Variants in UQCRC1 observed in about 807,000 individuals in gnomAD.
UQCRC1 encodes the protein cytochrome b-c1 complex subunit 1, mitochondrial.
Under a neutral mutation model 58.0 loss-of-function variants are expected in UQCRC1, and 34 were observed. The observed-to-expected ratio is 0.59, with a 90% CI of 0.45 to 0.78. The LOEUF is 0.78. UQCRC1 is among the 30% of genes least tolerant of loss of function. The probability of loss-of-function intolerance (pLI) is 0.00; values close to 1 mark genes in which losing one functional copy is unlikely to be tolerated. For synonymous variants in UQCRC1, 276 were observed against 248.8 expected, an observed-to-expected ratio of 1.11 and a Z score of -1.03; for missense variants, 610 against 646.0, an observed-to-expected ratio of 0.94 and a Z score of 0.60.
Position 48,600,747 on chromosome 3 carries a change from G to A in UQCRC1, c.1060C>T (p.Leu354=), listed in dbSNP as rs1300142566. The A allele has an allele frequency of 2.5e-6, 4 of 1,614,164 alleles. No individual in the cohort carries two copies. In the East Asian group the frequency reaches 6.7e-5, roughly 27 times the overall value. The part of the protein sequence containing the change: ...FSICYAETGL[L]GAHFVCDRMK... ...CGGTCACAGACAAAGTGTGCACCCA[G>A]CAAGCCCGTCTCTGCATAGCAGATG... Residue 354 remains leucine (L), a synonymous_variant, in exon 9 of 13, where the codon CTG becomes TTG. Transcript: ENST00000203407.
rs1483316213 is a variant in UQCRC1, at chr3:48,603,930, A to G, written c.627-287T>C. 1.0e-5 allele frequency: 6 copies of G among 582,638 alleles called. No individual in the cohort carries two copies. In the African/African-American group the frequency reaches 1.1e-4, roughly 11 times the overall value. The allele number at this position is 582,638 out of a possible 1,614,324, so 36.1% of individuals were successfully genotyped here. On this transcript the variant is annotated intron_variant, in intron 5 of 12. Transcript: ENST00000203407. ...GTGGGACTCTCAAAAGGGCAGCATC[A>G]AAGCTCCCGGAGCCATCCACAAAGG...
Position 48,604,440 on chromosome 3 carries a change from A to G in UQCRC1, c.428-9T>C, listed in dbSNP as rs2046393453. 6.2e-7 allele frequency: 1 copy of G among 1,613,356 alleles called. No homozygotes were observed. The highest frequency in any genetic ancestry group is 8.5e-7 in the Non-Finnish European group (1 of 1,179,604). ...ACCCAGGAGCTCCACAGCTAGATGCAAGGAGGACATGTTTAGGTGCCAGGT... is the reference window on the plus strand; with the variant it reads ...ACCCAGGAGCTCCACAGCTAGATGCGAGGAGGACATGTTTAGGTGCCAGGT... On this transcript the variant is annotated splice_polypyrimidine_tract_variant and intron_variant, in intron 4 of 12. Transcript: ENST00000203407.
rs527267111 is a variant in UQCRC1 at position 48,609,053 on chromosome 3, G to C, written c.210+109C>G. 2.0e-6 allele frequency: 3 copies of C among 1,479,184 alleles called. No individual in the cohort carries two copies. In the Admixed American group the frequency reaches 6.7e-5, roughly 33 times the overall value. 91.6% of individuals were successfully genotyped at this position (1,479,184 alleles called of 1,614,324 possible). On this transcript the variant is annotated intron_variant, in intron 2 of 12. Coordinates refer to ENST00000203407, the MANE Select transcript of UQCRC1 (RefSeq NM_003365.3). ...TCTCGGGGTGAGTGGTCCTGGGTCC[G>C]AACCCAAACCACAAACGGGAAGACT...
chr3:48,599,911 C>T (rs2046347220), intron 11 of UQCRC1, 152 bp downstream of exon 11: 1 of 1,055,726 alleles, frequency 9.5e-7, no homozygotes, highest in African/African-American at 1.6e-5. Context: ...CTATGCCCTG[C>T]CCTCCCACTA....
chr3:48,609,404 C>T, intron 1 of UQCRC1, 102 bp from the exon 2 acceptor site: 1 of 1,519,424 alleles, frequency 6.6e-7, no homozygotes, highest in Non-Finnish European at 8.8e-7. Context: ...AGGCAAGCGG[C>T]GAGATACCTT....
At chr3:48,599,522 C>A in intron 12 of UQCRC1, 113 bp downstream of exon 12, 2 of 1,181,170 alleles carry the variant, frequency 1.7e-6, no homozygotes, top group Admixed American at 1.9e-5. Flanking sequence ...CTGCTTGGGG[C>A]CTTAACTGGC....
chr3:48,607,210 T>G (rs1030475819), intron 2 of UQCRC1, among the ~76,000 whole-genome samples: 1 of 152,096 alleles, frequency 6.6e-6, no homozygotes, highest in Non-Finnish European at 1.5e-5. Flanking sequence ...CCCGGCTAAT[T>G]TTTTGTATTT....
chr3:48,599,211 G>C lies in UQCRC1; in HGVS notation c.1379-19C>G, dbSNP rs2046338543. The stretch of plus-strand genomic sequence containing the variant: ...ATGGGGCCTGTGGGGATAGGGTGGA[G>C]CGTCAGGGTGGGGTACCTGGCCTGC... On this transcript the variant is annotated intron_variant, in intron 12 of 12. Coordinates refer to ENST00000203407, the MANE Select transcript of UQCRC1 (RefSeq NM_003365.3). 1 of 1,584,974 alleles carries C rather than the reference G, an allele frequency of 6.3e-7. No individual in the cohort carries two copies. Among genetic ancestry groups the C allele is most frequent in the Admixed American group, 1.7e-5 (1 of 58,068 alleles).
rs1331128831 is a variant in UQCRC1, at chr3:48,601,397, C to T, written c.777G>A (p.Glu259=). ...ATGGAGTAAGAGTGGGCACAGCGTC[C>T]TCTGCATATGTCCATGGGATGCCAC... ...HLGGIPWTYA[E]DAVPTLTPCR... The change falls in exon 7 of 13, where the codon GAG becomes GAA. Residue 259 remains glutamate (E), a synonymous_variant. Coordinates refer to ENST00000203407, the MANE Select transcript of UQCRC1 (RefSeq NM_003365.3). 1.2e-6 allele frequency: 2 copies of T among 1,614,208 alleles called. No homozygotes were observed. The highest frequency in any genetic ancestry group is 3.3e-5 in the Admixed American group (2 of 60,024).
intron 5 of UQCRC1, 32 bp from the exon 6 acceptor site, chr3:48,603,675 TC>T: frequency 1.9e-6 from 3 of 1,594,434 alleles, no homozygotes; most frequent in Non-Finnish European, 2.6e-6. Flanking sequence ...TGTCAACACC[TC>T]TACCACACTG....
intron 6 of UQCRC1, 97 bp downstream of exon 6, chr3:48,603,467 G>A: frequency 8.2e-7 from 1 of 1,220,536 alleles, no homozygotes; most frequent in Non-Finnish European, 1.2e-6. Context: ...AGAGTCCCCT[G>A]GGGTGAAAGG....
intron 2 of UQCRC1, among the ~76,000 whole-genome samples, chr3:48,607,232 G>A (rs907960626): frequency 4.9e-4 from 74 of 152,206 alleles, no homozygotes; most frequent in Non-Finnish European, 3.8e-4. Context: ...TAGTAGAGAC[G>A]GGGTTTCACC....
chr3:48,600,461 C>T, intron 10 of UQCRC1, 21 bp downstream of exon 10: 1 of 1,613,992 alleles, frequency 6.2e-7, no homozygotes, highest in Non-Finnish European at 8.5e-7. Context: ...CTACCCCTCC[C>T]CGCTGAGCTG....
chr3:48,604,306 T>TA lies in UQCRC1; in HGVS notation c.552dup (p.Asn185Ter). On this transcript the variant is annotated frameshift_variant, in exon 5 of 13. Transcript: ENST00000203407. LOFTEE classifies it high-confidence loss of function. Reference sequence around the variant, plus strand: ...TGGAATGCTGTGGCATGCAGGTAGTTAAAGACCACATCTCGCATAGATGCA... The same window carrying TA: ...TGGAATGCTGTGGCATGCAGGTAGTTAAAAGACCACATCTCGCATAGATGCA... 6.2e-7 allele frequency: 1 copy of TA among 1,613,906 alleles called. No individual in the cohort carries two copies. The highest frequency in any genetic ancestry group is 8.5e-7 in the Non-Finnish European group (1 of 1,180,036).
Position 48,603,826 on chromosome 3 carries a change from CA to C in UQCRC1, c.627-184del, listed in dbSNP as rs1414279702. Among the ~76,000 whole-genome samples the C allele has an allele frequency of 1.8e-3, 276 of 152,286 alleles. 1 individual carries two copies. The highest frequency in any genetic ancestry group is 6.2e-3 in the African/African-American group (259 of 41,552). On this transcript the variant is annotated intron_variant, in intron 5 of 12. Transcript: ENST00000203407. The stretch of plus-strand genomic sequence containing the variant: ...ACCCACCCCTCCAGGGCCCAGAGGG[CA>C]ACCCTTGTCTGCCCTTGCCTCATGC...
chr3:48,601,494 G>A (rs2046365321), intron 6 of UQCRC1, 27 bp from the exon 7 acceptor site: 1 of 1,607,726 alleles, frequency 6.2e-7, no homozygotes, highest in Non-Finnish European at 8.5e-7. Context: ...TGGCATTACT[G>A]ACCAGCCAGG....
At position 48,609,420 on chromosome 3, in the gene UQCRC1, G is replaced by A; in HGVS notation, c.70-118C>T. The A allele has an allele frequency of 2.0e-6, 3 of 1,503,826 alleles. No individual in the cohort carries two copies. Among genetic ancestry groups the A allele is most frequent in the South Asian group, 2.4e-5 (2 of 81,938 alleles). The allele number at this position is 1,503,826 out of a possible 1,614,324, so 93.2% of individuals were successfully genotyped here. A position where few individuals can be genotyped will look rare whatever the true frequency, so the allele number is the denominator to read the frequency against. On this transcript the variant is annotated intron_variant, in intron 1 of 12. Transcript: ENST00000203407. The stretch of plus-strand genomic sequence containing the variant: ...GGCAAGCGGCGAGATACCTTTCCCC[G>A]CCCTCCGCCGTGACCTTCCCACGGC...
In UQCRC1 at chr3:48,604,330, CA is replaced by C; in HGVS notation, c.528del (p.Asp176GlufsTer22). 1 of 1,614,160 alleles carries C rather than the reference CA, an allele frequency of 6.2e-7. No individual in the cohort carries two copies. ...DVILREMQEN[D>X]ASMRDVVFNY... Reference sequence around the variant, plus strand: ...TTAAAGACCACATCTCGCATAGATGCATCATTCTCCTGCATCTCCCGCAGGA... The same window carrying C: ...TTAAAGACCACATCTCGCATAGATGCTCATTCTCCTGCATCTCCCGCAGGA... On this transcript the variant is annotated frameshift_variant, in exon 5 of 13. Transcript: ENST00000203407. LOFTEE classifies it high-confidence loss of function.
rs759345305 is a variant in UQCRC1, at chr3:48,600,668, G to T, written c.1127+12C>A. 1 of 1,614,086 alleles carries T rather than the reference G, an allele frequency of 6.2e-7. No homozygotes were observed. Among genetic ancestry groups the T allele is most frequent in the South Asian group, 1.1e-5 (1 of 91,080 alleles). ...CCGCCATCCCACCTAGGAATACCAG[G>T]CTGCCACTTACCACTGCCCTTGCAG... is the stretch of plus-strand genomic sequence containing the variant. On this transcript the variant is annotated intron_variant, in intron 9 of 12. Transcript: ENST00000203407.
Sources: allele counts gnomAD v4.1 joint callset (sites outside exome capture counted in the v4.1 genomes callset), GRCh38; gene constraint gnomAD v4.1.1; transcripts MANE v1.5; gene names NCBI Gene and HGNC (gene_info 2026-07-23, HGNC 2026-07-21).